COG4: variants seen among roughly 807,000 people sequenced by gnomAD.
COG4 encodes conserved oligomeric Golgi complex subunit 4.
COG4 carries 65 observed loss-of-function variants against 95.1 expected under a neutral mutation model. That is an observed-to-expected ratio of 0.68 (90% CI 0.56 to 0.84). The LOEUF (loss-of-function observed/expected upper bound fraction) is 0.84, where lower values mean the gene tolerates loss of function less well. Ranked by LOEUF, COG4 falls within the 40% of genes least tolerant of loss-of-function variation. The pLI is 0.00. For synonymous variants in COG4, 421 were observed against 374.8 expected, an observed-to-expected ratio of 1.12 and a Z score of -1.42; for missense variants, 1,045 against 989.1, an observed-to-expected ratio of 1.06 and a Z score of -0.76.
At chr16:70,490,911 G>C (rs536821465) in intron 12 of COG4, among the ~76,000 whole-genome samples, 2 of 151,894 alleles carry the variant, frequency 1.3e-5, no homozygotes, top group East Asian at 3.9e-4. Context: ...TGCCCACCTC[G>C]GCCTCCCAAA....
At chr16:70,493,706 T>C (rs1400399572) in intron 12 of COG4, among the ~76,000 whole-genome samples, 2 of 152,068 alleles carry the variant, frequency 1.3e-5, no homozygotes, top group Non-Finnish European at 2.9e-5. Flanking sequence ...ACTTGGGTGC[T>C]CTGCTGCAGA....
chr16:70,493,042 C>T (rs8063990), intron 12 of COG4, among the ~76,000 whole-genome samples: 72,844 of 151,884 alleles, frequency 0.48, 17,916 homozygotes, highest in South Asian at 0.66. Flanking sequence ...CAAACTGTTT[C>T]GGTGTAAGGC....
At chr16:70,505,881 A>G (rs1000892244) in intron 8 of COG4, among the ~76,000 whole-genome samples, 1 of 152,172 alleles carries the variant, frequency 6.6e-6, no homozygotes, top group African/African-American at 2.4e-5. Flanking sequence ...ACAGGGGCTC[A>G]TGCCTGTAAT....
In COG4 at chr16:70,483,855, G is replaced by A. The variant is rs201826142; in HGVS notation, c.1825C>T (p.Gln609Ter). Residue 609 changes from glutamine to a stop codon, truncating the protein, a stop_gained and splice_region_variant, in exon 14 of 19, where the codon CAG becomes TAG. Coordinates refer to ENST00000323786, the MANE Select transcript of COG4 (RefSeq NM_015386.3). LOFTEE classifies it high-confidence loss of function. ...AVSNKFRDLL[Q>*]EGLTELNSTA... is the part of the protein sequence containing the mutation. ...CAGCAGTTGAACCTGGGGCTTACCT[G>A]CAAGAGGTCTCGGAATTTGTTGGAC... 44 of 1,611,078 alleles carry A rather than the reference G, an allele frequency of 2.7e-5. No individual in the cohort carries two copies. Among genetic ancestry groups the A allele is most frequent in the Non-Finnish European group, 3.7e-5 (44 of 1,177,892 alleles).
intron 13 of COG4, among the ~76,000 whole-genome samples, chr16:70,486,570 T>C (rs1376051888): frequency 6.6e-6 from 1 of 152,224 alleles, no homozygotes; most frequent in African/African-American, 2.4e-5. Context: ...AATAGGTTTT[T>C]CAGCTATTTT....
intron 9 of COG4, among the ~76,000 whole-genome samples, chr16:70,500,331 A>G (rs1380902398): frequency 2.0e-5 from 3 of 147,082 alleles, no homozygotes; most frequent in Non-Finnish European, 3.0e-5. Context: ...TGGGAGACTG[A>G]GAGGGATGAG....
chr16:70,500,296 C>T (rs1028164303), intron 9 of COG4, among the ~76,000 whole-genome samples: 13 of 151,080 alleles, frequency 8.6e-5, no homozygotes, highest in Admixed American at 6.6e-4. Context: ...TCAATTATTC[C>T]TTGAAAAATT....
At position 70,490,371 on chromosome 16, in the gene COG4, C is replaced by G; in HGVS notation, c.1669G>C (p.Val557Leu). 6.2e-7 allele frequency: 1 copy of G among 1,613,908 alleles called. No homozygotes were observed. Reference protein sequence around the residue: ...SFLVTLNNVEVCSENISTLKK... With the variant: ...SFLVTLNNVELCSENISTLKK... ...AGAGTGGAGATGTTTTCACTGCAGA[C>G]TTCCACGTTGTTCAGAGTCACCTGG... The change falls in exon 13 of 19, where the codon GTC becomes CTC. Residue 557 changes from valine (V) to leucine (L), a missense_variant. Physicochemically the swap from Val to Leu is conservative, Grantham distance 32. Transcript: ENST00000323786.
At chr16:70,491,546 G>A (rs2049243593) in intron 12 of COG4, among the ~76,000 whole-genome samples, 1 of 124,110 alleles carries the variant, frequency 8.1e-6, no homozygotes, top group Non-Finnish European at 1.7e-5. Flanking sequence ...AAAAAAAGCT[G>A]GGGCAGGGTA....
chr16:70,481,230 C>G, intron 18 of COG4, 86 bp from the exon 19 acceptor site: 6 of 1,608,548 alleles, frequency 3.7e-6, no homozygotes, highest in Non-Finnish European at 5.1e-6. Context: ...AGAGCAGGGG[C>G]ACCCGGGAAG....
intron 1 of COG4, among the ~76,000 whole-genome samples, chr16:70,522,622 T>A (rs2049973324): frequency 6.6e-6 from 1 of 152,228 alleles, no homozygotes; most frequent in Non-Finnish European, 1.5e-5. Context: ...AAGTTTGGTC[T>A]GGGAAACAGC....
intron 1 of COG4, among the ~76,000 whole-genome samples, chr16:70,520,736 CAT>C (rs1401713827): frequency 6.6e-6 from 1 of 151,994 alleles, no homozygotes; most frequent in African/African-American, 2.4e-5. Context: ...CTTCTTGGTG[CAT>C]AGTCAGTAGC....
chr16:70,490,895 A>G (rs1006351849), intron 12 of COG4, among the ~76,000 whole-genome samples: 3 of 151,800 alleles, frequency 2.0e-5, no homozygotes, highest in South Asian at 2.1e-4. Context: ...TCCTGACCTC[A>G]TGATCTGCCC....
chr16:70,506,335 G>A (rs1369988959), intron 8 of COG4, among the ~76,000 whole-genome samples: 1 of 151,884 alleles, frequency 6.6e-6, no homozygotes, highest in Admixed American at 6.6e-5. Context: ...TCCAGGAGGC[G>A]GAGCTTGCAG....
At chr16:70,493,979 C>A (rs979214569) in intron 12 of COG4, among the ~76,000 whole-genome samples, 6 of 152,072 alleles carry the variant, frequency 3.9e-5, no homozygotes, top group Admixed American at 2.6e-4. Context: ...ATCTCAGAAC[C>A]CCAGGGGCTG....
intron 17 of COG4, 73 bp downstream of exon 17, chr16:70,481,691 T>TG (rs775435224): frequency 4.5e-4 from 633 of 1,413,544 alleles, no homozygotes; most frequent in Admixed American, 1.3e-3. Context: ...ATGCAAGTCC[T>TG]GGGGGTGGTG....
At chr16:70,498,243 T>G (rs775651130) in intron 9 of COG4, among the ~76,000 whole-genome samples, 188 bp from the exon 10 acceptor site, 1 of 152,066 alleles carries the variant, frequency 6.6e-6, no homozygotes, top group African/African-American at 2.4e-5. Flanking sequence ...ATATTTTCCA[T>G]GTTTTCACCT....
chr16:70,512,109 C>A, intron 5 of COG4, 130 bp downstream of exon 5: 1 of 877,276 alleles, frequency 1.1e-6, no homozygotes. Context: ...TGCATGGCTA[C>A]ACAGCAAGGG....
intron 6 of COG4, 38 bp from the exon 7 acceptor site, chr16:70,509,426 T>A (rs756317736): frequency 6.2e-7 from 1 of 1,612,574 alleles, no homozygotes; most frequent in Non-Finnish European, 8.5e-7. Context: ...ATTCCAAGTA[T>A]TCTTCCTACA....
Sources: allele counts gnomAD v4.1 joint callset (sites outside exome capture counted in the v4.1 genomes callset), GRCh38; gene constraint gnomAD v4.1.1; transcripts MANE v1.5; gene names NCBI Gene and HGNC (gene_info 2026-07-23, HGNC 2026-07-21).